PTPRM: variants seen among roughly 807,000 people sequenced by gnomAD.
PTPRM encodes the protein protein tyrosine phosphatase receptor type M, also known as receptor-type tyrosine-protein phosphatase mu.
PTPRM carries 47 observed loss-of-function variants against 186.7 expected under a neutral mutation model. The ratio of observed to expected loss-of-function variants is 0.25; its 90% confidence interval spans 0.20 to 0.32. PTPRM has a LOEUF of 0.32. Among genes scored for constraint, PTPRM ranks in the 10% least tolerant of loss-of-function variants. The pLI is 1.00. For missense variants in PTPRM, 1,494 were observed against 1,865.0 expected (o/e 0.80, Z 3.66); for synonymous variants, 668 against 674.9 (o/e 0.99, Z 0.16).
chr18:7,839,474 G>A (rs2046217503), intron 2 of PTPRM, among the ~76,000 whole-genome samples: 1 of 152,308 alleles, frequency 6.6e-6, no homozygotes, highest in South Asian at 2.1e-4. Context: ...GGTGTGTCTA[G>A]CAATGTCATC....
intron 19 of PTPRM, among the ~76,000 whole-genome samples, chr18:8,279,467 A>G (rs531949668): frequency 6.6e-6 from 1 of 152,254 alleles, no homozygotes; most frequent in South Asian, 2.1e-4. Flanking sequence ...AGCCCTACTG[A>G]AGAGTGGGTT....
chr18:7,618,465 G>A (rs1010081341), intron 1 of PTPRM, among the ~76,000 whole-genome samples: 6 of 152,092 alleles, frequency 3.9e-5, no homozygotes, highest in African/African-American at 1.4e-4. Context: ...AATAAAATTA[G>A]TTTTAGTAGG....
At chr18:7,614,662 T>A (rs944790630) in intron 1 of PTPRM, among the ~76,000 whole-genome samples, 1 of 152,244 alleles carries the variant, frequency 6.6e-6, no homozygotes, top group African/African-American at 2.4e-5. Flanking sequence ...TGCCTTCCCC[T>A]GTCTAATGTG....
At chr18:8,323,473 C>T (rs1163747588) in intron 22 of PTPRM, among the ~76,000 whole-genome samples, 1 of 152,202 alleles carries the variant, frequency 6.6e-6, no homozygotes, top group Non-Finnish European at 1.5e-5. Context: ...TCTGAAAATA[C>T]ATGTTAATTA....
intron 14 of PTPRM, among the ~76,000 whole-genome samples, chr18:8,172,415 A>G (rs972626500): frequency 2.6e-5 from 4 of 152,156 alleles, no homozygotes; most frequent in Non-Finnish European, 1.5e-5. Context: ...ATCTTTGTAC[A>G]GGAAGGCACT....
intron 5 of PTPRM, among the ~76,000 whole-genome samples, chr18:7,948,859 T>C (rs1253052326): frequency 1.3e-5 from 2 of 152,230 alleles, no homozygotes; most frequent in African/African-American, 4.8e-5. Context: ...TAAGACCAAA[T>C]GTGGATAGTT....
At chr18:7,791,258 G>T (rs2043330337) in intron 2 of PTPRM, among the ~76,000 whole-genome samples, 2 of 151,898 alleles carry the variant, frequency 1.3e-5, no homozygotes, top group South Asian at 2.1e-4. Context: ...TCAGATTAAA[G>T]AACTTTCCAA....
chr18:8,158,411 T>C (rs2093165524), intron 14 of PTPRM, among the ~76,000 whole-genome samples: 1 of 152,222 alleles, frequency 6.6e-6, no homozygotes, highest in African/African-American at 2.4e-5. Flanking sequence ...CATATTTTTC[T>C]TGGGATGATC....
At chr18:8,187,524 T>C (rs544028171) in intron 14 of PTPRM, among the ~76,000 whole-genome samples, 2 of 152,272 alleles carry the variant, frequency 1.3e-5, no homozygotes, top group African/African-American at 4.8e-5. Context: ...AAACCTCTAT[T>C]GTGTTTTAAG....
chr18:7,949,337 G>T lies in PTPRM; in HGVS notation c.820G>T (p.Ala274Ser). ...TEGGVGISNYAELVVKEPPVP... is the reference protein window; with the variant it reads ...TEGGVGISNYSELVVKEPPVP... ...AGGAGGTGTTGGAATATCAAACTAT[G>T]CAGAGTTGGTAGTTAAAGGTATTTA... Residue 274 changes from alanine (A) to serine (S), a missense_variant, in exon 6 of 33, where the codon GCA becomes TCA. Physicochemically the swap from Ala to Ser is moderately conservative, Grantham distance 99. Coordinates refer to ENST00000580170, the MANE Select transcript of PTPRM (RefSeq NM_001105244.2). 6.2e-7 allele frequency: 1 copy of T among 1,613,388 alleles called. No individual in the cohort carries two copies. The highest frequency in any genetic ancestry group is 8.5e-7 in the Non-Finnish European group (1 of 1,179,532).
chr18:8,284,083 C>T (rs947396981), intron 19 of PTPRM, among the ~76,000 whole-genome samples: 1 of 152,178 alleles, frequency 6.6e-6, no homozygotes, highest in African/African-American at 2.4e-5. Context: ...AAACAACAGT[C>T]TAGCTATTGT....
chr18:7,793,973 G>A (rs192194350), intron 2 of PTPRM, among the ~76,000 whole-genome samples: 6 of 152,190 alleles, frequency 3.9e-5, no homozygotes, highest in African/African-American at 1.2e-4. Context: ...ACACTGGCAC[G>A]CCTTCGGCCT....
In PTPRM at chr18:8,126,017, A is replaced by ATTTTT. The variant is rs1456992081; in HGVS notation, c.2167+11191_2167+11192insTTTTT. On this transcript the variant is annotated intron_variant, in intron 13 of 32. Coordinates refer to ENST00000580170, the MANE Select transcript of PTPRM (RefSeq NM_001105244.2). ...TATATATATATATATATATATATAT[A>ATTTTT]TATATATATATTTTAAATCAGTAGA... Among the ~76,000 whole-genome samples the ATTTTT allele has an allele frequency of 1.7e-3, 48 of 29,030 alleles. 2 individuals are homozygous for ATTTTT. The highest frequency in any genetic ancestry group is 0.013 in the South Asian group (8 of 632). 19.0% of individuals were successfully genotyped at this position (29,030 alleles called of 152,430 possible).
At chr18:7,841,435 G>A (rs182786961) in intron 2 of PTPRM, among the ~76,000 whole-genome samples, 1 of 151,804 alleles carries the variant, frequency 6.6e-6, no homozygotes, top group African/African-American at 2.4e-5. Context: ...GGGACTACAG[G>A]CACCTGCCAC....
intron 14 of PTPRM, among the ~76,000 whole-genome samples, chr18:8,211,007 A>G (rs1243571436): frequency 6.6e-6 from 1 of 152,246 alleles, no homozygotes; most frequent in East Asian, 1.9e-4. Flanking sequence ...AAAAGTGACC[A>G]TTGGATTTAG....
chr18:7,989,446 A>G (rs967724721), intron 7 of PTPRM, among the ~76,000 whole-genome samples: 1 of 152,200 alleles, frequency 6.6e-6, no homozygotes, highest in African/African-American at 2.4e-5. Flanking sequence ...AGATTTAGCC[A>G]TGCCTCCTTG....
At chr18:8,338,786 CTTATA>C (rs1249897951) in intron 22 of PTPRM, among the ~76,000 whole-genome samples, 6 of 152,162 alleles carry the variant, frequency 3.9e-5, no homozygotes, top group Non-Finnish European at 7.3e-5. Flanking sequence ...CCAATTTGTA[CTTATA>C]TTATCTTTCT....
intron 1 of PTPRM, among the ~76,000 whole-genome samples, chr18:7,745,378 T>C (rs2040965126): frequency 1.3e-5 from 2 of 152,222 alleles, no homozygotes; most frequent in African/African-American, 4.8e-5. Context: ...TCCTCAAGAC[T>C]GAGTGTCTCA....
intron 2 of PTPRM, among the ~76,000 whole-genome samples, chr18:7,884,080 G>A (rs1212304961): frequency 6.6e-6 from 1 of 152,134 alleles, no homozygotes; most frequent in Non-Finnish European, 1.5e-5. Flanking sequence ...CCAGGAGGTC[G>A]AGGCTGCTAT....
Sources: gnomAD v4.1 joint callset for allele counts (sites outside exome capture counted in the v4.1 genomes callset) on GRCh38, gnomAD v4.1.1 for gene constraint, MANE v1.5 for transcripts, NCBI Gene and HGNC (gene_info 2026-07-23, HGNC 2026-07-21) for gene names.